The following UBR3 variants were observed in gnomAD, a reference collection of about 807,000 sequenced individuals.
UBR3 encodes E3 ubiquitin-protein ligase UBR3.
In UBR3, 85 loss-of-function variants were observed where a neutral mutation model predicts 243.2. That is an observed-to-expected ratio of 0.35 (90% CI 0.29 to 0.42). The LOEUF is 0.42. Among genes scored for constraint, UBR3 ranks in the 10% least tolerant of loss-of-function variants. UBR3 has a pLI of 1.00. For missense variants in UBR3, 1,686 were observed against 2,300.8 expected, an observed-to-expected ratio of 0.73 and a Z score of 5.47; for synonymous variants, 748 against 799.8, an observed-to-expected ratio of 0.94 and a Z score of 1.09.
intron 30 of UBR3, among the ~76,000 whole-genome samples, chr2:170,022,047 A>G (rs2090405015): frequency 6.6e-6 from 1 of 152,112 alleles, no homozygotes; most frequent in Non-Finnish European, 1.5e-5. Flanking sequence ...GATTCATGGA[A>G]TGTGCCTCTT....
chr2:169,920,129 T>A (rs940218909), intron 11 of UBR3, among the ~76,000 whole-genome samples: 2 of 152,120 alleles, frequency 1.3e-5, no homozygotes, highest in Non-Finnish European at 2.9e-5. Context: ...ATGTGTATAT[T>A]CCAGCCATAA....
At chr2:169,931,287 C>T (rs2086114533) in intron 18 of UBR3, among the ~76,000 whole-genome samples, 1 of 137,002 alleles carries the variant, frequency 7.3e-6, no homozygotes, top group Admixed American at 8.0e-5. Flanking sequence ...GGAGGCGGAG[C>T]TTGCAGTGAG....
At chr2:169,931,573 C>G (rs76549641) in intron 18 of UBR3, among the ~76,000 whole-genome samples, 6,617 of 151,786 alleles carry the variant, frequency 0.044, 164 homozygotes, top group Middle Eastern at 0.068. Context: ...AAGCTTCTTA[C>G]CATGTTTTCA....
intron 1 of UBR3, among the ~76,000 whole-genome samples, chr2:169,846,174 C>T (rs1009977378): frequency 2.6e-5 from 4 of 152,066 alleles, no homozygotes; most frequent in African/African-American, 9.7e-5. Flanking sequence ...CCAAATATAA[C>T]CGTGGATTTG....
chr2:169,958,554 C>G, intron 24 of UBR3, 28 bp downstream of exon 24: 1 of 1,586,804 alleles, frequency 6.3e-7, no homozygotes, highest in Non-Finnish European at 8.6e-7. Context: ...GTTTAGAACT[C>G]TCATAATTAT....
At chr2:169,894,412 C>T (rs915813851) in intron 6 of UBR3, among the ~76,000 whole-genome samples, 2 of 148,708 alleles carry the variant, frequency 1.3e-5, no homozygotes, top group African/African-American at 4.9e-5. Flanking sequence ...TCACTTATGT[C>T]ACCACTGAAA....
intron 24 of UBR3, among the ~76,000 whole-genome samples, chr2:169,977,249 A>G (rs1451953318): frequency 2.0e-5 from 3 of 152,062 alleles, no homozygotes; most frequent in Admixed American, 1.3e-4. Flanking sequence ...GTCTGTTACT[A>G]GAGAGATACG....
intron 19 of UBR3, among the ~76,000 whole-genome samples, chr2:169,938,188 C>T (rs1393754556): frequency 4.0e-5 from 6 of 151,668 alleles, no homozygotes; most frequent in Non-Finnish European, 5.9e-5. Flanking sequence ...TTTAATTGCA[C>T]TTTTTATTAT....
At chr2:170,003,786 G>T (rs781061151) in intron 27 of UBR3, among the ~76,000 whole-genome samples, 1 of 152,056 alleles carries the variant, frequency 6.6e-6, no homozygotes, top group Non-Finnish European at 1.5e-5. Context: ...GACTACAGGC[G>T]CCCGCCACCA....
intron 1 of UBR3, among the ~76,000 whole-genome samples, chr2:169,836,461 G>A (rs1370848593): frequency 2.6e-5 from 4 of 151,718 alleles, no homozygotes; most frequent in Non-Finnish European, 5.9e-5. Context: ...ACCACGAAGG[G>A]AACAACACAC....
At chr2:169,921,211 T>G (rs2085684249) in intron 11 of UBR3, among the ~76,000 whole-genome samples, 1 of 152,176 alleles carries the variant, frequency 6.6e-6, no homozygotes, top group South Asian at 2.1e-4. Context: ...TTGGACACGC[T>G]GTATTTGTGG....
intron 1 of UBR3, among the ~76,000 whole-genome samples, chr2:169,851,421 A>C (rs576296650): frequency 6.6e-6 from 1 of 152,292 alleles, no homozygotes; most frequent in South Asian, 2.1e-4. Context: ...GAGCCATCGC[A>C]GATTATAGGC....
chr2:170,061,771 C>T (rs1370089270), intron 35 of UBR3, among the ~76,000 whole-genome samples: 1 of 152,056 alleles, frequency 6.6e-6, no homozygotes, highest in Non-Finnish European at 1.5e-5. Context: ...CTAGCCAAGC[C>T]TTGTTTTTAT....
intron 5 of UBR3, among the ~76,000 whole-genome samples, chr2:169,889,700 C>T (rs774410282): frequency 4.6e-5 from 7 of 152,124 alleles, no homozygotes; most frequent in Non-Finnish European, 1.0e-4. Context: ...TATTGAAGTG[C>T]CCAGTAAATG....
intron 15 of UBR3, 44 bp downstream of exon 15, chr2:169,926,788 T>C (rs776254512): frequency 1.2e-5 from 18 of 1,544,106 alleles, no homozygotes; most frequent in Non-Finnish European, 1.5e-5. Flanking sequence ...AGTGTCCAGT[T>C]AATTTTGTTT....
At chr2:170,025,520 A>T (rs1180934923) in intron 30 of UBR3, among the ~76,000 whole-genome samples, 1 of 152,214 alleles carries the variant, frequency 6.6e-6, no homozygotes, top group Non-Finnish European at 1.5e-5. Flanking sequence ...TTAAGAAATA[A>T]ACCTGAAAAA....
chr2:169,882,539 G>A (rs1213608209), intron 5 of UBR3, among the ~76,000 whole-genome samples: 5 of 150,772 alleles, frequency 3.3e-5, no homozygotes, highest in East Asian at 3.9e-4. Context: ...TCAGGAGTTT[G>A]ACACCAGCCT....
At chr2:169,828,264 G>C (rs1327561907) in intron 1 of UBR3, among the ~76,000 whole-genome samples, 1 of 152,162 alleles carries the variant, frequency 6.6e-6, no homozygotes. Context: ...AGCATGTTTA[G>C]GAAACCGGGC....
chr2:169,875,724 G>T, intron 2 of UBR3, 67 bp from the exon 3 acceptor site: 1 of 1,315,572 alleles, frequency 7.6e-7, no homozygotes, highest in Non-Finnish European at 1.0e-6. Flanking sequence ...AATAAATACT[G>T]TTATTTTTAG....
Sources: allele counts gnomAD v4.1 joint callset (sites outside exome capture counted in the v4.1 genomes callset), GRCh38; gene constraint gnomAD v4.1.1; transcripts MANE v1.5; gene names NCBI Gene and HGNC (gene_info 2026-07-23, HGNC 2026-07-21).